MYO5A: variants seen among roughly 807,000 people sequenced by gnomAD.
MYO5A encodes the protein unconventional myosin-Va.
Under a neutral mutation model 249.7 loss-of-function variants are expected in MYO5A, and 98 were observed. That is an observed-to-expected ratio of 0.39 (90% CI 0.33 to 0.46). MYO5A has a LOEUF of 0.46. MYO5A is among the 20% of genes least tolerant of loss of function. The pLI is 0.98. For synonymous variants in MYO5A, 778 were observed against 810.6 expected (o/e 0.96, Z 0.68); for missense variants, 1,696 against 2,308.8 (o/e 0.73, Z 5.44).
chr15:52,364,141 G>A (rs764976249), intron 24 of MYO5A, among the ~76,000 whole-genome samples: 4 of 152,068 alleles, frequency 2.6e-5, no homozygotes. Flanking sequence ...GGGAGGCTGA[G>A]GCAGGAGAAT....
rs1248676092 is a variant in MYO5A at position 52,410,214 on chromosome 15, G to A, written c.756+119C>T. ...AGGCTTCAGTCCAAGTGTGGTTGGA[G>A]GTAATATTGTCATAATATGCTCAAG... On this transcript the variant is annotated intron_variant, in intron 6 of 41. Transcript: ENST00000399233. The A allele has an allele frequency of 2.2e-5, 26 of 1,204,226 alleles. No individual in the cohort carries two copies. The Middle Eastern group carries it at 8.3e-4, about 38-fold the overall frequency. 74.6% of individuals were successfully genotyped at this position (1,204,226 alleles called of 1,614,324 possible). A position where few individuals can be genotyped will look rare whatever the true frequency, so the allele number is the denominator to read the frequency against.
intron 1 of MYO5A, among the ~76,000 whole-genome samples, chr15:52,506,845 A>G (rs1256589200): frequency 6.6e-6 from 1 of 152,228 alleles, no homozygotes; most frequent in Admixed American, 6.5e-5. Context: ...AAAATAAAAA[A>G]AAGAATTCAG....
At chr15:52,362,273 C>T (rs759695658) in intron 24 of MYO5A, among the ~76,000 whole-genome samples, 7 of 152,170 alleles carry the variant, frequency 4.6e-5, no homozygotes, top group Non-Finnish European at 8.8e-5. Flanking sequence ...ATTCATATGA[C>T]GACTCTGTTT....
intron 12 of MYO5A, 117 bp downstream of exon 12, chr15:52,391,813 C>CT: frequency 1.8e-6 from 2 of 1,093,732 alleles, no homozygotes; most frequent in African/African-American, 1.5e-5. Context: ...ATAACCCCTA[C>CT]TTGTCACCAC....
At chr15:52,354,545 A>AT (rs1555432399) in intron 25 of MYO5A, among the ~76,000 whole-genome samples, 7 of 152,196 alleles carry the variant, frequency 4.6e-5, no homozygotes. Context: ...ACTGTGAAAT[A>AT]TTTTTTAGCT....
chr15:52,469,342 A>C (rs1028878310), intron 1 of MYO5A, among the ~76,000 whole-genome samples: 5 of 152,364 alleles, frequency 3.3e-5, no homozygotes, highest in African/African-American at 1.2e-4. Flanking sequence ...TTAAAATACC[A>C]TATTTTTACA....
At chr15:52,382,112 A>G (rs903283622) in intron 16 of MYO5A, among the ~76,000 whole-genome samples, 7 of 152,116 alleles carry the variant, frequency 4.6e-5, no homozygotes, top group African/African-American at 1.7e-4. Flanking sequence ...CATGTTGGCC[A>G]GGTTGGTCTC....
At chr15:52,495,578 A>G (rs2077021426) in intron 1 of MYO5A, among the ~76,000 whole-genome samples, 1 of 152,194 alleles carries the variant, frequency 6.6e-6, no homozygotes, top group South Asian at 2.1e-4. Context: ...GAGGTAATGC[A>G]TATGTTAAAC....
intron 1 of MYO5A, among the ~76,000 whole-genome samples, chr15:52,471,668 T>A (rs917555135): frequency 4.0e-5 from 6 of 151,812 alleles, no homozygotes; most frequent in Non-Finnish European, 8.8e-5. Context: ...TTCAGGCAGA[T>A]ATCCTTTCTC....
intron 4 of MYO5A, among the ~76,000 whole-genome samples, chr15:52,421,652 T>C (rs1276808936): frequency 6.6e-6 from 1 of 152,184 alleles, no homozygotes; most frequent in Non-Finnish European, 1.5e-5. Context: ...CTTCTTCTGC[T>C]TTGTTACACA....
intron 1 of MYO5A, among the ~76,000 whole-genome samples, chr15:52,486,684 G>A (rs951638567): frequency 7.2e-5 from 11 of 152,150 alleles, no homozygotes; most frequent in Non-Finnish European, 1.0e-4. Context: ...TAACACACAG[G>A]CAGAGAAAAA....
At chr15:52,336,605 TA>T (rs2039130230) in intron 33 of MYO5A, 49 bp from the exon 34 acceptor site, 1 of 1,319,178 alleles carries the variant, frequency 7.6e-7, no homozygotes, top group Non-Finnish European at 1.1e-6. Flanking sequence ...ACAGGCCTTC[TA>T]AAATGCATCA....
intron 1 of MYO5A, among the ~76,000 whole-genome samples, chr15:52,504,808 G>A (rs1272127223): frequency 6.6e-6 from 1 of 151,830 alleles, no homozygotes; most frequent in Non-Finnish European, 1.5e-5. Flanking sequence ...AGAATTGCTT[G>A]GACCCAGCAG....
chr15:52,492,327 AACCAAAT>A (rs1425133750), intron 1 of MYO5A, among the ~76,000 whole-genome samples: 6 of 152,210 alleles, frequency 3.9e-5, no homozygotes, highest in Admixed American at 6.5e-5. Flanking sequence ...GTTTAGAGGA[AACCAAAT>A]ACAGGTTTCG....
intron 36 of MYO5A, among the ~76,000 whole-genome samples, chr15:52,326,623 T>C (rs149546555): frequency 3.3e-5 from 5 of 152,280 alleles, no homozygotes; most frequent in Middle Eastern, 3.4e-3. Flanking sequence ...GCTCTGGAGA[T>C]GGATGATGGT....
chr15:52,386,032 C>T (rs767105726), intron 14 of MYO5A, among the ~76,000 whole-genome samples: 6 of 152,168 alleles, frequency 3.9e-5, no homozygotes, highest in East Asian at 3.9e-4. Context: ...AGAATGAGAA[C>T]CTGGCCAGGT....
intron 1 of MYO5A, among the ~76,000 whole-genome samples, chr15:52,495,403 G>A (rs1026936543): frequency 2.0e-5 from 3 of 152,186 alleles, no homozygotes; most frequent in Admixed American, 1.3e-4. Flanking sequence ...TGAGGGCCAG[G>A]AACATTGAGG....
chr15:52,469,050 A>T (rs988601823), intron 1 of MYO5A, among the ~76,000 whole-genome samples: 3 of 152,236 alleles, frequency 2.0e-5, no homozygotes, highest in African/African-American at 7.2e-5. Flanking sequence ...AATACAAATA[A>T]TTATTTCTAA....
intron 22 of MYO5A, 36 bp downstream of exon 22, chr15:52,370,133 G>T: frequency 6.2e-7 from 1 of 1,612,878 alleles, no homozygotes; most frequent in Non-Finnish European, 8.5e-7. Flanking sequence ...TCTCTTTTGT[G>T]TACGGAGTAG....
Sources: gnomAD v4.1 joint callset for allele counts (sites outside exome capture counted in the v4.1 genomes callset) on GRCh38, gnomAD v4.1.1 for gene constraint, MANE v1.5 for transcripts, NCBI Gene and HGNC (gene_info 2026-07-23, HGNC 2026-07-21) for gene names.